Variants in PCDH15 observed in about 807,000 individuals in gnomAD.
PCDH15 encodes the protein protocadherin related 15.
In PCDH15, 129 loss-of-function variants were observed where a neutral mutation model predicts 178.5. That is an observed-to-expected ratio of 0.72 (90% CI 0.63 to 0.84). The LOEUF (loss-of-function observed/expected upper bound fraction) is 0.84, where lower values mean the gene tolerates loss of function less well. Among genes scored for constraint, PCDH15 ranks in the 40% least tolerant of loss-of-function variants. The probability of loss-of-function intolerance (pLI) is 0.00; values close to 1 mark genes in which losing one functional copy is unlikely to be tolerated. For synonymous variants in PCDH15, 800 were observed against 732.0 expected (o/e 1.09, Z -1.50); for missense variants, 2,230 against 2,099.9 (o/e 1.06, Z -1.21).
intron 1 of PCDH15, among the ~76,000 whole-genome samples, chr10:55,313,895 A>G (rs1479116534): frequency 2.0e-5 from 3 of 152,116 alleles, no homozygotes; most frequent in Admixed American, 2.0e-4. Context: ...CTACTTAGAC[A>G]TAAGTGGCTT....
At chr10:55,088,687 A>G (rs914736664) in intron 2 of PCDH15, among the ~76,000 whole-genome samples, 1 of 152,172 alleles carries the variant, frequency 6.6e-6, no homozygotes, top group Non-Finnish European at 1.5e-5. Flanking sequence ...ATGTGCACAT[A>G]TATTTGCATA....
intron 15 of PCDH15, among the ~76,000 whole-genome samples, chr10:54,091,454 G>A (rs529714898): frequency 1.8e-4 from 27 of 152,220 alleles, no homozygotes; most frequent in African/African-American, 4.3e-4. Context: ...AGGCAGGAAC[G>A]TATTGTTCTT....
At chr10:55,078,586 T>C (rs891914689) in intron 2 of PCDH15, among the ~76,000 whole-genome samples, 1 of 152,136 alleles carries the variant, frequency 6.6e-6, no homozygotes, top group Non-Finnish European at 1.5e-5. Context: ...TTTTTTCTTT[T>C]GCTTGAGATA....
At chr10:55,507,724 T>TC (rs1305241136) in intron 2 of PCDH15, among the ~76,000 whole-genome samples, 1 of 134,918 alleles carries the variant, frequency 7.4e-6, no homozygotes, top group Admixed American at 7.7e-5. Context: ...TTCGTATAAT[T>TC]TGACATCTTA....
chr10:54,421,690 A>ATG (rs1554963467), intron 3 of PCDH15, among the ~76,000 whole-genome samples: 16 of 110,942 alleles, frequency 1.4e-4, no homozygotes, highest in South Asian at 2.9e-4. Context: ...ATATATATAT[A>ATG]TATACACACA....
chr10:54,622,731 A>AATTATATATATATTATATATAATTAT (rs2093423869), intron 2 of PCDH15, among the ~76,000 whole-genome samples: 1 of 35,072 alleles, frequency 2.9e-5, no homozygotes, highest in South Asian at 6.8e-4. Flanking sequence ...TATATTATAT[A>AATTATATATATATTATATATAATTAT]ATTATATATA....
chr10:54,605,862 C>T (rs2092719182), intron 2 of PCDH15: 1 of 152,056 alleles, frequency 6.6e-6, no homozygotes, highest in Non-Finnish European at 1.5e-5. Flanking sequence ...ATAGACACGT[C>T]AGTTGAAAGC....
chr10:53,939,392 TATTATTTTGTAG>T, intron 24 of PCDH15, among the ~76,000 whole-genome samples: 1 of 152,212 alleles, frequency 6.6e-6, no homozygotes, highest in South Asian at 2.1e-4. Context: ...TTATGAATAT[TATTATTTTGTAG>T]ATTTAGTGTT....
chr10:55,204,556 T>C (rs1840343070), intron 1 of PCDH15, among the ~76,000 whole-genome samples: 1 of 152,014 alleles, frequency 6.6e-6, no homozygotes, highest in Admixed American at 6.5e-5. Flanking sequence ...ATTGATCAAA[T>C]ATTACCAAGG....
At chr10:54,702,169 A>G (rs2132247288) in intron 1 of PCDH15, among the ~76,000 whole-genome samples, 1 of 152,186 alleles carries the variant, frequency 6.6e-6, no homozygotes, top group East Asian at 1.9e-4. Flanking sequence ...AAATCATACA[A>G]ATACATCAAA....
chr10:54,506,692 G>T (rs1334397184), intron 3 of PCDH15, among the ~76,000 whole-genome samples: 1 of 151,920 alleles, frequency 6.6e-6, no homozygotes, highest in Non-Finnish European at 1.5e-5. Flanking sequence ...ACAAAAACTG[G>T]ACTGAAAAAA....
In PCDH15 at chr10:53,968,992, G is replaced by A. The variant is rs2089362211; in HGVS notation, c.2869-7100C>T. 3.3e-5 allele frequency among the ~76,000 whole-genome samples: 5 copies of A among 152,274 alleles called. No homozygotes were observed. In the South Asian group the frequency reaches 1.0e-3, roughly 32 times the overall value. On this transcript the variant is annotated intron_variant, in intron 21 of 37. Transcript: ENST00000644397. ...TCCTCACTAGCAATGGAACAAAGCT[G>A]GATGGAGAATGACTTTGAGGAGTTG...
chr10:55,413,532 G>C (rs1565113551), intron 2 of PCDH15, among the ~76,000 whole-genome samples: 1 of 151,388 alleles, frequency 6.6e-6, no homozygotes, highest in Non-Finnish European at 1.5e-5. Flanking sequence ...ACTTATACTA[G>C]TAAAAATTCT....
chr10:55,596,798 C>A (rs541106382), intron 2 of PCDH15, among the ~76,000 whole-genome samples: 30 of 152,136 alleles, frequency 2.0e-4, no homozygotes, highest in Middle Eastern at 3.4e-3. Flanking sequence ...CAAACAAAAG[C>A]ATTTTAAACT....
chr10:54,093,307 T>C (rs2094634049), intron 15 of PCDH15, among the ~76,000 whole-genome samples: 1 of 152,168 alleles, frequency 6.6e-6, no homozygotes, highest in African/African-American at 2.4e-5. Context: ...TTTTTATCTT[T>C]TCACACAATC....
intron 1 of PCDH15, among the ~76,000 whole-genome samples, chr10:55,306,787 T>A (rs1284960229): frequency 1.3e-5 from 2 of 152,210 alleles, no homozygotes; most frequent in Non-Finnish European, 2.9e-5. Context: ...CAGATTTCGG[T>A]ATGAACATGT....
At chr10:54,832,597 G>A (rs1591728576) in intron 3 of PCDH15, among the ~76,000 whole-genome samples, 2 of 152,118 alleles carry the variant, frequency 1.3e-5, no homozygotes, top group East Asian at 3.9e-4. Flanking sequence ...CATTTGTATG[G>A]AAATAAAAAT....
At chr10:54,474,334 A>G (rs2078124411) in intron 3 of PCDH15, among the ~76,000 whole-genome samples, 1 of 151,948 alleles carries the variant, frequency 6.6e-6, no homozygotes, top group Non-Finnish European at 1.5e-5. Context: ...TGGATCCAAA[A>G]ATATTAAGTG....
intron 2 of PCDH15, among the ~76,000 whole-genome samples, chr10:55,510,458 CGT>C (rs946609998): frequency 4.6e-5 from 7 of 151,880 alleles, no homozygotes; most frequent in Admixed American, 2.6e-4. Context: ...CACTAGCTAA[CGT>C]GTTTTTCTCC....
Sources: allele counts gnomAD v4.1 joint callset (sites outside exome capture counted in the v4.1 genomes callset), GRCh38; gene constraint gnomAD v4.1.1; transcripts MANE v1.5; gene names NCBI Gene and HGNC (gene_info 2026-07-23, HGNC 2026-07-21).